SLC44A5: variants seen among roughly 807,000 people sequenced by gnomAD.
The protein encoded by SLC44A5 is solute carrier family 44 member 5, also known as choline transporter-like protein 5.
A neutral mutation model predicts 101.8 loss-of-function variants in SLC44A5; 57 were observed. The observed-to-expected ratio is 0.56, with a 90% confidence interval of 0.45 to 0.70. SLC44A5 has a LOEUF of 0.70. SLC44A5 is among the 30% of genes least tolerant of loss of function. The probability of loss-of-function intolerance (pLI) is 0.00; values close to 1 mark genes in which losing one functional copy is unlikely to be tolerated. For synonymous variants in SLC44A5, 281 were observed against 290.9 expected (o/e 0.97, Z 0.35); for missense variants, 737 against 853.1 (o/e 0.86, Z 1.70).
intron 3 of SLC44A5, among the ~76,000 whole-genome samples, chr1:75,369,060 T>C (rs1487801976): frequency 1.3e-5 from 2 of 152,044 alleles, no homozygotes; most frequent in Non-Finnish European, 2.9e-5. Context: ...TCACTCAGGC[T>C]GAAATATAGT....
chr1:75,344,033 A>C (rs1658073996), intron 3 of SLC44A5, among the ~76,000 whole-genome samples: 1 of 152,180 alleles, frequency 6.6e-6, no homozygotes, highest in South Asian at 2.1e-4. Context: ...ATTCTGTACT[A>C]TGTATGGTTC....
intron 5 of SLC44A5, among the ~76,000 whole-genome samples, chr1:75,294,864 C>G (rs1159456415): frequency 6.6e-6 from 1 of 151,922 alleles, no homozygotes; most frequent in Non-Finnish European, 1.5e-5. Context: ...ACGGTAGGTG[C>G]CAGGATCTGG....
At chr1:75,308,275 A>G (rs896685547) in intron 4 of SLC44A5, among the ~76,000 whole-genome samples, 5 of 152,128 alleles carry the variant, frequency 3.3e-5, no homozygotes, top group Admixed American at 3.3e-4. Flanking sequence ...AAGCTTCTCT[A>G]TCTTCTGATT....
intron 15 of SLC44A5, among the ~76,000 whole-genome samples, chr1:75,219,546 T>C (rs938459891): frequency 1.2e-4 from 18 of 152,114 alleles, no homozygotes; most frequent in Non-Finnish European, 2.6e-4. Flanking sequence ...AACAGTAAAA[T>C]GTATAGGAGC....
the SLC44A5 span, among the ~76,000 whole-genome samples, chr1:75,718,152 T>A: frequency 6.6e-6 from 1 of 152,228 alleles, no homozygotes; most frequent in African/African-American, 2.4e-5. Context: ...AAAACGGACA[T>A]TGTATCTGAC....
chr1:75,719,980 A>G, the SLC44A5 span, among the ~76,000 whole-genome samples: 1 of 152,186 alleles, frequency 6.6e-6, no homozygotes, highest in South Asian at 2.1e-4. Flanking sequence ...TTAATCCACC[A>G]TGTGGACTTC....
At chr1:75,492,829 C>T (rs1280353530) in intron 2 of SLC44A5, among the ~76,000 whole-genome samples, 1 of 152,206 alleles carries the variant, frequency 6.6e-6, no homozygotes, top group Non-Finnish European at 1.5e-5. Context: ...GGCCTGACCA[C>T]AGTGCTACCA....
chr1:75,640,442 G>C, the SLC44A5 span, among the ~76,000 whole-genome samples: 2 of 152,068 alleles, frequency 1.3e-5, no homozygotes, highest in Non-Finnish European at 2.9e-5. Flanking sequence ...GTCAAGCCCA[G>C]AGTAAATGTG....
chr1:75,491,659 T>C (rs1668430946), intron 2 of SLC44A5, among the ~76,000 whole-genome samples: 1 of 152,046 alleles, frequency 6.6e-6, no homozygotes, highest in Non-Finnish European at 1.5e-5. Context: ...TGGGAAAATG[T>C]GTAGGTAAGT....
At chr1:75,678,316 GACAA>G in the SLC44A5 span, among the ~76,000 whole-genome samples, 1 of 152,170 alleles carries the variant, frequency 6.6e-6, no homozygotes, top group East Asian at 1.9e-4. Flanking sequence ...GCAGGGCACA[GACAA>G]ACAAAAACAC....
chr1:75,255,112 C>T (rs1338326893), intron 6 of SLC44A5, among the ~76,000 whole-genome samples: 5 of 152,080 alleles, frequency 3.3e-5, no homozygotes, highest in Non-Finnish European at 7.3e-5. Context: ...CCCTGTCACC[C>T]CACATGGTGC....
chr1:75,229,044 A>C (rs1017863085), intron 12 of SLC44A5, among the ~76,000 whole-genome samples: 15 of 151,150 alleles, frequency 9.9e-5, no homozygotes, highest in African/African-American at 3.6e-4. Flanking sequence ...TTTATTTTTT[A>C]TTTTTGTATT....
chr1:75,478,488 T>C (rs1667588789), intron 2 of SLC44A5, among the ~76,000 whole-genome samples: 1 of 152,152 alleles, frequency 6.6e-6, no homozygotes, highest in African/African-American at 2.4e-5. Context: ...CCCATCAGTG[T>C]GCTGTATTCA....
the SLC44A5 span, among the ~76,000 whole-genome samples, chr1:75,684,883 T>C: frequency 4.8e-3 from 730 of 152,302 alleles, 6 homozygotes; most frequent in Non-Finnish European, 4.9e-3. Context: ...CAGTGGGGAT[T>C]CTGTGTGGGG....
intron 6 of SLC44A5, among the ~76,000 whole-genome samples, chr1:75,260,265 C>CTA (rs1191986660): frequency 7.9e-5 from 12 of 152,114 alleles, no homozygotes; most frequent in African/African-American, 2.7e-4. Flanking sequence ...CATTGGTGTG[C>CTA]TATATTCAGG....
At chr1:75,688,672 A>C in the SLC44A5 span, among the ~76,000 whole-genome samples, 1 of 152,182 alleles carries the variant, frequency 6.6e-6, no homozygotes, top group South Asian at 2.1e-4. Flanking sequence ...GGCTCCAGGG[A>C]AACACCTGGA....
chr1:75,295,183 C>T (rs1353975280), intron 5 of SLC44A5, among the ~76,000 whole-genome samples: 1 of 149,614 alleles, frequency 6.7e-6, no homozygotes, highest in African/African-American at 2.4e-5. Context: ...AATCATAGCT[C>T]ATAAAGCTAA....
intron 1 of SLC44A5, among the ~76,000 whole-genome samples, chr1:75,585,549 C>A (rs1463390038): frequency 6.6e-6 from 1 of 152,130 alleles, no homozygotes; most frequent in Non-Finnish European, 1.5e-5. Flanking sequence ...TGGACAATTG[C>A]ATTTAAACTT....
intron 4 of SLC44A5, among the ~76,000 whole-genome samples, chr1:75,310,129 T>A (rs1655190069): frequency 6.6e-6 from 1 of 152,202 alleles, no homozygotes; most frequent in Non-Finnish European, 1.5e-5. Context: ...AGGTGATGTA[T>A]CTGTTAAGAA....
Sources: gnomAD v4.1 joint callset for allele counts (sites outside exome capture counted in the v4.1 genomes callset) on GRCh38, gnomAD v4.1.1 for gene constraint, MANE v1.5 for transcripts, NCBI Gene and HGNC (gene_info 2026-07-23, HGNC 2026-07-21) for gene names.